ZNF600: variants seen among roughly 807,000 people sequenced by gnomAD.
ZNF600 encodes zinc finger protein KR-ZNF1.
Under a neutral mutation model 7.3 loss-of-function variants are expected in ZNF600, and 4 were observed. That is an observed-to-expected ratio of 0.55 (90% CI 0.27 to 1.25). The LOEUF (loss-of-function observed/expected upper bound fraction) is 1.25, where lower values mean the gene tolerates loss of function less well. Among genes scored for constraint, ZNF600 ranks in the 50% most tolerant of loss-of-function variants. The pLI is 0.12. For missense variants in ZNF600, 911 were observed against 922.1 expected (o/e 0.99, Z 0.16); for synonymous variants, 290 against 308.9 (o/e 0.94, Z 0.64).
At chr19:52,831,546 A>G in the ZNF600 span, among the ~76,000 whole-genome samples, 1 of 151,586 alleles carries the variant, frequency 6.6e-6, no homozygotes, top group South Asian at 2.1e-4. Context: ...TCTGTCTCCC[A>G]GGCTGGAGTG....
At chr19:52,814,605 A>T in the ZNF600 span, among the ~76,000 whole-genome samples, 2 of 145,384 alleles carry the variant, frequency 1.4e-5, no homozygotes, top group Non-Finnish European at 3.0e-5. Context: ...GAAAAAAAAA[A>T]GCTGGGCGAG....
upstream of ZNF600, among the ~76,000 whole-genome samples, chr19:52,787,078 CACAGA>C (rs972576799): frequency 7.2e-5 from 11 of 152,260 alleles, no homozygotes; most frequent in Admixed American, 7.2e-4. Flanking sequence ...GCTGATGGCC[CACAGA>C]ACAGAACAGA....
intron 1 of ZNF600, among the ~76,000 whole-genome samples, chr19:52,785,735 T>C (rs1256814112): frequency 6.6e-6 from 1 of 152,082 alleles, no homozygotes; most frequent in Non-Finnish European, 1.5e-5. Flanking sequence ...CTGCTGTGGT[T>C]CTCCATCTGT....
chr19:52,783,791 T>C (rs1204955964), intron 1 of ZNF600, among the ~76,000 whole-genome samples: 1 of 152,116 alleles, frequency 6.6e-6, no homozygotes, highest in Admixed American at 6.6e-5. Flanking sequence ...TTGTTTTTTG[T>C]TTGTTTGTTT....
intron 2 of ZNF600, among the ~76,000 whole-genome samples, chr19:52,778,047 T>C (rs1274466433): frequency 6.6e-6 from 1 of 152,020 alleles, no homozygotes; most frequent in Non-Finnish European, 1.5e-5. Context: ...AGAGTCTCAC[T>C]CTGTCTCCCA....
chr19:52,824,382 C>T, the ZNF600 span, among the ~76,000 whole-genome samples: 1 of 152,098 alleles, frequency 6.6e-6, no homozygotes, highest in Non-Finnish European at 1.5e-5. Flanking sequence ...TGCCTGCAAT[C>T]CCGGCACTTT....
chr19:52,811,573 G>A, the ZNF600 span, among the ~76,000 whole-genome samples: 1 of 147,782 alleles, frequency 6.8e-6, no homozygotes, highest in African/African-American at 2.6e-5. Flanking sequence ...GAGCGCCTCT[G>A]CTGGGCCGCA....
chr19:52,829,399 A>G, the ZNF600 span, among the ~76,000 whole-genome samples: 1 of 122,718 alleles, frequency 8.1e-6, no homozygotes, highest in East Asian at 2.5e-4. Context: ...TTTGAGAAAG[A>G]GTTTCACTCT....
the ZNF600 span, among the ~76,000 whole-genome samples, chr19:52,817,313 G>C: frequency 0.014 from 2,150 of 151,820 alleles, 62 homozygotes; most frequent in African/African-American, 0.05. Context: ...CGGAGGTTGC[G>C]GTGAGCTGAG....
At chr19:52,823,324 C>T in the ZNF600 span, among the ~76,000 whole-genome samples, 1 of 152,128 alleles carries the variant, frequency 6.6e-6, no homozygotes, top group South Asian at 2.1e-4. Flanking sequence ...AGCAGCTCTC[C>T]TGCCTCAGCC....
At chr19:52,801,600 A>G in the ZNF600 span, 10 of 1,614,046 alleles carry the variant, frequency 6.2e-6, no homozygotes, top group East Asian at 4.5e-5. Context: ...AAAATCTCCA[A>G]TGTGATGACT....
the ZNF600 span, among the ~76,000 whole-genome samples, chr19:52,830,044 T>C: frequency 1.9e-5 from 1 of 53,856 alleles, no homozygotes. Flanking sequence ...AAGACCGCAG[T>C]GGGTGGATCA....
the ZNF600 span, among the ~76,000 whole-genome samples, chr19:52,795,956 C>G: frequency 2.0e-5 from 3 of 152,014 alleles, no homozygotes; most frequent in South Asian, 6.2e-4. Flanking sequence ...AGCTGGATCG[C>G]CTCAGCCCTG....
the ZNF600 span, among the ~76,000 whole-genome samples, chr19:52,820,139 C>A: frequency 1.1e-4 from 10 of 94,036 alleles, 2 homozygotes; most frequent in East Asian, 2.5e-3. Context: ...GAGACGGAGT[C>A]TCGCTCTGTC....
the ZNF600 span, chr19:52,817,799 A>C: frequency 6.5e-7 from 1 of 1,536,200 alleles, no homozygotes; most frequent in African/African-American, 1.4e-5. Flanking sequence ...TCTAAGCGAG[A>C]TGAGATGAAC....
At chr19:52,802,632 G>T in the ZNF600 span, among the ~76,000 whole-genome samples, 21 of 149,740 alleles carry the variant, frequency 1.4e-4, no homozygotes, top group Admixed American at 1.4e-3. Context: ...AGTTGAGATC[G>T]CACCACTGCA....
the ZNF600 span, chr19:52,809,736 AG>A: frequency 2.4e-6 from 1 of 411,660 alleles, no homozygotes; most frequent in Admixed American, 4.4e-5. Context: ...ACCCAGGAGG[AG>A]GGGGTTGCAG....
At chr19:52,822,074 C>CTTTTTTTTTTTTTTTTTTTTTTTT in the ZNF600 span, among the ~76,000 whole-genome samples, 2 of 78,696 alleles carry the variant, frequency 2.5e-5, no homozygotes, top group Admixed American at 1.6e-4. Context: ...TTCTTTTTCC[C>CTTTTTTTTTTTTTTTTTTTTTTTT]TTTTTTTTTT....
At chr19:52,822,979 C>T in the ZNF600 span, among the ~76,000 whole-genome samples, 1 of 152,088 alleles carries the variant, frequency 6.6e-6, no homozygotes, top group Non-Finnish European at 1.5e-5. Flanking sequence ...TAAGGTTTCA[C>T]ACACAGGGAA....
Sources: gnomAD v4.1 joint callset for allele counts (sites outside exome capture counted in the v4.1 genomes callset) on GRCh38, gnomAD v4.1.1 for gene constraint, MANE v1.5 for transcripts, NCBI Gene and HGNC (gene_info 2026-07-23, HGNC 2026-07-21) for gene names.